CAVIN4: variants seen among roughly 807,000 people sequenced by gnomAD.
The protein encoded by CAVIN4 is caveolae-associated protein 4.
Under a neutral mutation model 18.6 loss-of-function variants are expected in CAVIN4, and 10 were observed. The observed-to-expected ratio is 0.54, with a 90% confidence interval of 0.33 to 0.91. The LOEUF (loss-of-function observed/expected upper bound fraction) is 0.91, where lower values mean the gene tolerates loss of function less well. Among genes scored for constraint, CAVIN4 ranks in the 40% least tolerant of loss-of-function variants. The pLI is 0.02. For missense variants in CAVIN4, 459 were observed against 440.5 expected (o/e 1.04, Z -0.38); for synonymous variants, 173 against 164.8 (o/e 1.05, Z -0.38).
rs1208312382 is a variant in CAVIN4 at position 100,587,939 on chromosome 9, C to G, written c.*1488C>G. 1.3e-5 allele frequency: 2 copies of G among 152,090 alleles called. No homozygotes were observed. The highest frequency in any genetic ancestry group is 2.9e-5 in the Non-Finnish European group (2 of 67,998). The allele number at this position is 152,090 out of a possible 1,614,324, so 9.4% of individuals were successfully genotyped here. A position where few individuals can be genotyped will look rare whatever the true frequency, so the allele number is the denominator to read the frequency against. On this transcript the variant is annotated 3_prime_UTR_variant, in exon 2 of 2. Transcript: ENST00000307584. ...AAGAAATGGTAGTACTGATTCTGTA[C>G]TTGAAGGATGTTTAATGTAGCATGG...
chr9:100,579,118 T>C (rs1839402150), intron 1 of CAVIN4, among the ~76,000 whole-genome samples: 2 of 152,148 alleles, frequency 1.3e-5, no homozygotes, highest in South Asian at 4.1e-4. Flanking sequence ...ATTTTTCTTA[T>C]TATTATAGTA....
At chr9:100,578,744 T>C (rs968740118) in intron 1 of CAVIN4, among the ~76,000 whole-genome samples, 193 bp downstream of exon 1, 1 of 152,202 alleles carries the variant, frequency 6.6e-6, no homozygotes, top group African/African-American at 2.4e-5. Context: ...CATTTCGGTA[T>C]TTTGAGCTTC....
chr9:100,582,335 T>C (rs1046573654), intron 1 of CAVIN4, among the ~76,000 whole-genome samples: 2 of 68,584 alleles, frequency 2.9e-5, no homozygotes, highest in African/African-American at 4.7e-5. Context: ...ATTGGACCTC[T>C]TTCTCTCTCT....
At chr9:100,576,934 A>G (rs1197245144), upstream of CAVIN4, 10 of 180,138 alleles carry the variant, frequency 5.6e-5, no homozygotes, top group Non-Finnish European at 1.0e-4. Context: ...GACCACAGCA[A>G]ATGACCAAGC....
chr9:100,583,616 T>TATTCATTC lies in CAVIN4; in HGVS notation c.409-2113_409-2106dup, dbSNP rs143666288. On this transcript the variant is annotated intron_variant, in intron 1 of 1. Coordinates refer to ENST00000307584, the MANE Select transcript of CAVIN4 (RefSeq NM_001018116.2). Reference sequence around the variant, plus strand: ...TGGCACTACTCTCCTGCAAGCCATTTATTCATTCATTCATTCATTCATTCA... The same window carrying TATTCATTC: ...TGGCACTACTCTCCTGCAAGCCATTTATTCATTCATTCATTCATTCATTCATTCATTCA... 6.8e-4 allele frequency among the ~76,000 whole-genome samples: 96 copies of TATTCATTC among 141,976 alleles called. 2 individuals carry two copies. The highest frequency in any genetic ancestry group is 1.3e-3 in the African/African-American group (51 of 39,568). 93.1% of individuals were successfully genotyped at this position (141,976 alleles called of 152,430 possible).
chr9:100,579,748 A>G (rs1289419319), intron 1 of CAVIN4, among the ~76,000 whole-genome samples: 1 of 152,206 alleles, frequency 6.6e-6, no homozygotes, highest in Non-Finnish European at 1.5e-5. Context: ...ATAGGAAAAA[A>G]ACTAGAAGAA....
chr9:100,577,977 C>T, upstream of CAVIN4: 1 of 630,994 alleles, frequency 1.6e-6, no homozygotes, highest in Non-Finnish European at 2.8e-6. Context: ...GTTCAGATTG[C>T]AGAACAGTCA....
At chr9:100,582,846 A>G (rs542471399) in intron 1 of CAVIN4, among the ~76,000 whole-genome samples, 4 of 152,332 alleles carry the variant, frequency 2.6e-5, no homozygotes, top group East Asian at 3.9e-4. Flanking sequence ...ACCTAACTTG[A>G]CCTGAAATTA....
chr9:100,582,499 C>G (rs1385825756), intron 1 of CAVIN4, among the ~76,000 whole-genome samples: 2 of 152,160 alleles, frequency 1.3e-5, no homozygotes, highest in Admixed American at 1.3e-4. Context: ...GTGCGCATCA[C>G]CTTGCCTGGC....
chr9:100,582,273 G>T (rs1349283098), intron 1 of CAVIN4, among the ~76,000 whole-genome samples: 1 of 152,074 alleles, frequency 6.6e-6, no homozygotes, highest in African/African-American at 2.4e-5. Context: ...TCCAGTGTGT[G>T]TCATGTCCCA....
chr9:100,584,807 G>A (rs931483450), intron 1 of CAVIN4, among the ~76,000 whole-genome samples: 25 of 152,158 alleles, frequency 1.6e-4, no homozygotes, highest in African/African-American at 5.1e-4. Flanking sequence ...CTTGAGTCTC[G>A]CAGTTCGAGT....
At chr9:100,581,813 G>C (rs755378976) in intron 1 of CAVIN4, among the ~76,000 whole-genome samples, 1 of 151,986 alleles carries the variant, frequency 6.6e-6, no homozygotes, top group Admixed American at 6.6e-5. Flanking sequence ...CTCTCAGGCC[G>C]TGCCAACCCA....
At position 100,588,196 on chromosome 9, in the gene CAVIN4, A is replaced by C. The variant is rs566272044; in HGVS notation, c.*1745A>C. On this transcript the variant is annotated 3_prime_UTR_variant, in exon 2 of 2. Coordinates refer to ENST00000307584, the MANE Select transcript of CAVIN4 (RefSeq NM_001018116.2). ...TCTGATTCAGCATCATTTCCTCTTC[A>C]CCTTGCATGAATACATGAAATCATA... is the stretch of plus-strand genomic sequence containing the variant. 2.8e-4 allele frequency among the ~76,000 whole-genome samples: 42 copies of C among 152,324 alleles called. No homozygotes were observed. Among genetic ancestry groups the C allele is most frequent in the African/African-American group, 9.6e-4 (40 of 41,568 alleles).
rs766169152 is a variant in CAVIN4, at chr9:100,586,445, A to G, written c.1089A>G (p.Ser363=). 5.7e-5 allele frequency: 92 copies of G among 1,612,368 alleles called. No homozygotes were observed. The highest frequency in any genetic ancestry group is 7.3e-5 in the Non-Finnish European group (86 of 1,179,604). ...DESLLLDLKH[S]S Reference sequence around the variant, plus strand: ...CTCTTTTGTTAGATTTAAAGCACTCATCGTAAAGAGGAATTAAGTATATCC... The same window carrying G: ...CTCTTTTGTTAGATTTAAAGCACTCGTCGTAAAGAGGAATTAAGTATATCC... Residue 363 remains serine, a synonymous_variant, in exon 2 of 2, where the codon TCA becomes TCG. Transcript: ENST00000307584.
At chr9:100,583,615 T>TCA (rs1208659488) in intron 1 of CAVIN4, among the ~76,000 whole-genome samples, 22 of 119,236 alleles carry the variant, frequency 1.8e-4, no homozygotes, top group South Asian at 2.7e-4. Flanking sequence ...TGCAAGCCAT[T>TCA]TATTCATTCA....
intron 1 of CAVIN4, chr9:100,581,392 AGTTTGAT>A (rs1437352368): frequency 6.6e-6 from 1 of 152,216 alleles, no homozygotes; most frequent in East Asian, 1.9e-4. Flanking sequence ...TAGCTATATT[AGTTTGAT>A]GTTCAATCCA....
At position 100,578,482 on chromosome 9, in the gene CAVIN4, T is replaced by C; in HGVS notation, c.339T>C (p.His113=). 6.2e-7 allele frequency: 1 copy of C among 1,613,948 alleles called. No individual in the cohort carries two copies. The highest frequency in any genetic ancestry group is 8.5e-7 in the Non-Finnish European group (1 of 1,179,962). Residue 113 remains histidine (H), a synonymous_variant, in exon 1 of 2, where the codon CAT becomes CAC. Coordinates refer to ENST00000307584, the MANE Select transcript of CAVIN4 (RefSeq NM_001018116.2). ...CCCGGGTGGAGAAGCAACAAATTCA[T>C]GTTAAAAAAGTTGAAGTCAAGCAAG... ...VKARVEKQQI[H]VKKVEVKQEE...
At position 100,578,361 on chromosome 9, in the gene CAVIN4, T is replaced by C. The variant is rs796369761; in HGVS notation, c.218T>C (p.Leu73Ser). ...NAIKSVQIDL[L>S]KLSQSHSNTG... is the part of the protein sequence containing the mutation. ...ATAAAATCCGTCCAGATTGACCTGTTGAAGCTTTCACAGTCGCATAGCAAT... is the reference window on the plus strand; with the variant it reads ...ATAAAATCCGTCCAGATTGACCTGTCGAAGCTTTCACAGTCGCATAGCAAT... The change falls in exon 1 of 2, where the codon TTG (leucine) becomes TCG (serine). Residue 73 changes from leucine to serine, a missense_variant. Physicochemically the swap from Leu to Ser is moderately radical, Grantham distance 145 (BLOSUM62 -2). Transcript: ENST00000307584. The C allele has an allele frequency of 5.0e-6, 8 of 1,614,124 alleles. No individual in the cohort carries two copies. In the African/African-American group the frequency reaches 1.1e-4, roughly 22 times the overall value.
intron 1 of CAVIN4, chr9:100,581,071 C>T (rs533066569): frequency 5.3e-5 from 8 of 152,248 alleles, no homozygotes; most frequent in Admixed American, 6.5e-5. Flanking sequence ...TATTTCTTTT[C>T]GAACATACTA....
Sources: allele counts gnomAD v4.1 joint callset (sites outside exome capture counted in the v4.1 genomes callset), GRCh38; gene constraint gnomAD v4.1.1; transcripts MANE v1.5; gene names NCBI Gene and HGNC (gene_info 2026-07-23, HGNC 2026-07-21).